Variants in ALG5 observed in about 807,000 individuals in gnomAD.
The protein encoded by ALG5 is dolichyl-phosphate beta-glucosyltransferase.
ALG5 carries 26 observed loss-of-function variants against 51.8 expected under a neutral mutation model. That is an observed-to-expected ratio of 0.50 (90% CI 0.37 to 0.70). The LOEUF (loss-of-function observed/expected upper bound fraction) is 0.70, where lower values mean the gene tolerates loss of function less well. Ranked by LOEUF, ALG5 falls within the 30% of genes least tolerant of loss-of-function variation. ALG5 has a pLI of 0.00. For missense variants in ALG5, 311 were observed against 399.3 expected (o/e 0.78, Z 1.88); for synonymous variants, 141 against 136.1 (o/e 1.04, Z -0.25).
intron 2 of ALG5, 43 bp downstream of exon 2, chr13:36,995,382 T>C: frequency 1.3e-6 from 2 of 1,567,624 alleles, no homozygotes; most frequent in Non-Finnish European, 1.7e-6. Context: ...TTCCTTTTCT[T>C]TTCCAAACTA....
chr13:36,966,413 C>G (rs1257084131), intron 7 of ALG5, among the ~76,000 whole-genome samples: 2 of 152,180 alleles, frequency 1.3e-5, no homozygotes, highest in Non-Finnish European at 2.9e-5. Flanking sequence ...TAAAACATAG[C>G]ACATTTTAAA....
At chr13:36,998,522 C>G (rs1375785646) in intron 1 of ALG5, among the ~76,000 whole-genome samples, 1 of 152,200 alleles carries the variant, frequency 6.6e-6, no homozygotes, top group Non-Finnish European at 1.5e-5. Context: ...CGCCAATTTT[C>G]TACCACTTAA....
In ALG5 at chr13:36,989,496, T is replaced by G; in HGVS notation, c.435A>C (p.Gly145=). The G allele has an allele frequency of 6.2e-6, 10 of 1,611,494 alleles. No homozygotes were observed. Among genetic ancestry groups the G allele is most frequent in the Non-Finnish European group, 8.5e-6 (10 of 1,178,222 alleles). Reference sequence around the variant, plus strand: ...AAATATGTATTACCATTCTAATCGCTCCACCTTTTCCACGATTCTTCACCA... The same window carrying G: ...AAATATGTATTACCATTCTAATCGCGCCACCTTTTCCACGATTCTTCACCA... ...ITLVKNRGKG[G]AIRMGIFSSR... The change falls in exon 5 of 10, where the codon GGA becomes GGC. Residue 145 remains glycine, a synonymous_variant. Transcript: ENST00000239891.
chr13:36,957,891 C>T (rs145355601), intron 8 of ALG5, among the ~76,000 whole-genome samples: 55 of 152,162 alleles, frequency 3.6e-4, no homozygotes, highest in Middle Eastern at 6.8e-3. Context: ...CCTCTAATTC[C>T]GCATCCCTAG....
At chr13:36,953,332 C>T (rs1221976500) in intron 8 of ALG5, among the ~76,000 whole-genome samples, 1 of 152,178 alleles carries the variant, frequency 6.6e-6, no homozygotes, top group African/African-American at 2.4e-5. Context: ...TTCTTAAAGC[C>T]TCTTTTCAGT....
chr13:36,960,169 CAA>C (rs1163850322), intron 8 of ALG5, among the ~76,000 whole-genome samples: 1 of 152,064 alleles, frequency 6.6e-6, no homozygotes, highest in Non-Finnish European at 1.5e-5. Context: ...TCAATACTGA[CAA>C]AAAATAATTA....
intron 7 of ALG5, chr13:36,968,182 T>C (rs1183562014): frequency 6.3e-6 from 1 of 159,560 alleles, no homozygotes; most frequent in African/African-American, 2.4e-5. Context: ...GATAGACTTA[T>C]TTAGTTAAGT....
chr13:36,972,262 GC>G (rs1337747402), intron 6 of ALG5, among the ~76,000 whole-genome samples: 8 of 152,076 alleles, frequency 5.3e-5, no homozygotes, highest in Non-Finnish European at 8.8e-5. Context: ...TAAGGGGCAT[GC>G]GTTATGTTAA....
At chr13:36,956,411 GT>G (rs1450782277) in intron 8 of ALG5, among the ~76,000 whole-genome samples, 2 of 152,196 alleles carry the variant, frequency 1.3e-5, no homozygotes, top group Non-Finnish European at 1.5e-5. Flanking sequence ...TTATGGGAAA[GT>G]GTATGGAGGT....
intron 8 of ALG5, among the ~76,000 whole-genome samples, chr13:36,963,479 C>A (rs2058877463): frequency 1.3e-5 from 1 of 79,138 alleles, no homozygotes; most frequent in Non-Finnish European, 2.4e-5. Flanking sequence ...GAACCTGCAT[C>A]TCTGACCCTA....
chr13:36,973,168 TC>T (rs1315881362), intron 6 of ALG5, among the ~76,000 whole-genome samples: 1 of 145,420 alleles, frequency 6.9e-6, no homozygotes, highest in African/African-American at 2.5e-5. Context: ...GCAAAAATAA[TC>T]AAGAAAAAAG....
chr13:36,959,921 T>A (rs891833417), intron 8 of ALG5, among the ~76,000 whole-genome samples: 1 of 151,710 alleles, frequency 6.6e-6, no homozygotes, highest in African/African-American at 2.4e-5. Context: ...CAGAAAGACA[T>A]GAGCTGACTG....
chr13:36,965,781 C>T (rs1312767482), intron 7 of ALG5, 55 bp from the exon 8 acceptor site: 1 of 1,474,376 alleles, frequency 6.8e-7, no homozygotes, highest in Non-Finnish European at 9.3e-7. Context: ...AAAGGAGACA[C>T]TGAAAACACC....
intron 1 of ALG5, among the ~76,000 whole-genome samples, chr13:36,996,700 C>T (rs1023697895): frequency 4.6e-5 from 7 of 152,026 alleles, no homozygotes; most frequent in Admixed American, 2.0e-4. Context: ...TTGCCTTTTG[C>T]GTTTTATATG....
chr13:36,993,761 C>A, intron 3 of ALG5, 89 bp from the exon 4 acceptor site: 1 of 1,014,884 alleles, frequency 9.9e-7, no homozygotes, highest in Non-Finnish European at 1.5e-6. Context: ...AAAACAACTG[C>A]TTTAGTGTTG....
chr13:36,988,381 AT>A (rs2059011262), intron 5 of ALG5, among the ~76,000 whole-genome samples: 1 of 152,238 alleles, frequency 6.6e-6, no homozygotes, highest in Non-Finnish European at 1.5e-5. Flanking sequence ...TTTCTGTTTC[AT>A]ATATCCTGTG....
At chr13:36,996,133 T>C (rs1310536722) in intron 1 of ALG5, among the ~76,000 whole-genome samples, 2 of 152,204 alleles carry the variant, frequency 1.3e-5, no homozygotes, top group East Asian at 3.9e-4. Flanking sequence ...GGACCAACAA[T>C]GTTTAAGAAT....
At chr13:36,981,825 TGC>T (rs561389415) in intron 6 of ALG5, among the ~76,000 whole-genome samples, 185 of 152,314 alleles carry the variant, frequency 1.2e-3, no homozygotes, top group Non-Finnish European at 2.1e-3. Flanking sequence ...CAGTGGTTCA[TGC>T]CTGTAATCCC....
At chr13:36,971,740 C>T (rs978101207) in intron 7 of ALG5, among the ~76,000 whole-genome samples, 3 of 150,228 alleles carry the variant, frequency 2.0e-5, no homozygotes, top group East Asian at 2.0e-4. Flanking sequence ...AAAAGAACTG[C>T]TTCCATCCTA....
Sources: gnomAD v4.1 joint callset for allele counts (sites outside exome capture counted in the v4.1 genomes callset) on GRCh38, gnomAD v4.1.1 for gene constraint, MANE v1.5 for transcripts, NCBI Gene and HGNC (gene_info 2026-07-23, HGNC 2026-07-21) for gene names.